Variants in SEMA3A observed in about 807,000 individuals in gnomAD.
SEMA3A encodes semaphorin 3A, also known as semaphorin-3A.
In SEMA3A, 29 loss-of-function variants were observed where a neutral mutation model predicts 97.9. The observed-to-expected ratio is 0.30, with a 90% CI of 0.22 to 0.40. SEMA3A has a LOEUF of 0.40. SEMA3A is among the 10% of genes least tolerant of loss of function. The probability of loss-of-function intolerance (pLI) is 1.00; values close to 1 mark genes in which losing one functional copy is unlikely to be tolerated. For synonymous variants in SEMA3A, 321 were observed against 323.7 expected, an observed-to-expected ratio of 0.99 and a Z score of 0.09; for missense variants, 763 against 951.3, an observed-to-expected ratio of 0.80 and a Z score of 2.60.
At chr7:84,488,072 A>G (rs1806623772) in intron 1 of SEMA3A, among the ~76,000 whole-genome samples, 1 of 152,090 alleles carries the variant, frequency 6.6e-6, no homozygotes, top group African/African-American at 2.4e-5. Flanking sequence ...ATCTCTCTTT[A>G]AAATGAATAT....
At chr7:84,199,144 C>T (rs1271587172), upstream of SEMA3A, among the ~76,000 whole-genome samples, 2 of 152,120 alleles carry the variant, frequency 1.3e-5, no homozygotes, top group Non-Finnish European at 1.5e-5. Context: ...GTTATACATA[C>T]CCTGAATCTC....
At chr7:84,474,597 G>T (rs1408071738) in intron 1 of SEMA3A, among the ~76,000 whole-genome samples, 2 of 152,170 alleles carry the variant, frequency 1.3e-5, no homozygotes. Flanking sequence ...TGTAAGAGCT[G>T]ATGGGTCCAG....
At chr7:84,489,599 A>G (rs1237442576) in intron 1 of SEMA3A, among the ~76,000 whole-genome samples, 1 of 152,194 alleles carries the variant, frequency 6.6e-6, no homozygotes, top group African/African-American at 2.4e-5. Flanking sequence ...GAATAATGGA[A>G]TAATGGGAAG....
intron 1 of SEMA3A, among the ~76,000 whole-genome samples, chr7:84,395,548 T>C (rs1803706964): frequency 6.6e-6 from 1 of 151,962 alleles, no homozygotes; most frequent in Non-Finnish European, 1.5e-5. Flanking sequence ...ATTGAAATAA[T>C]CCCCACATGT....
chr7:84,283,226 A>T (rs982946068), intron 3 of SEMA3A, among the ~76,000 whole-genome samples: 7 of 152,092 alleles, frequency 4.6e-5, no homozygotes, highest in Admixed American at 3.9e-4. Flanking sequence ...ACATCATACC[A>T]TTCTAGAAGC....
At chr7:84,132,570 T>C (rs573005553) in intron 2 of SEMA3A, among the ~76,000 whole-genome samples, 20 of 151,204 alleles carry the variant, frequency 1.3e-4, no homozygotes, top group African/African-American at 4.6e-4. Context: ...TATATGAATA[T>C]CACAAAATGA....
At chr7:84,121,148 T>A (rs1410628787) in intron 3 of SEMA3A, among the ~76,000 whole-genome samples, 1 of 152,106 alleles carries the variant, frequency 6.6e-6, no homozygotes, top group African/African-American at 2.4e-5. Flanking sequence ...AAACCAGCCT[T>A]CTACTTCAGA....
At chr7:84,230,390 G>A (rs574607400) in intron 3 of SEMA3A, among the ~76,000 whole-genome samples, 1 of 151,760 alleles carries the variant, frequency 6.6e-6, no homozygotes. Flanking sequence ...ACTTCAAAAC[G>A]GATATTTCTA....
chr7:84,397,874 G>A (rs568544821), intron 1 of SEMA3A, among the ~76,000 whole-genome samples: 1 of 152,196 alleles, frequency 6.6e-6, no homozygotes, highest in Non-Finnish European at 1.5e-5. Flanking sequence ...CTGGGAGAGT[G>A]ACAAATAGGC....
chr7:84,443,448 A>C (rs1312124239), intron 1 of SEMA3A, among the ~76,000 whole-genome samples: 1 of 152,178 alleles, frequency 6.6e-6, no homozygotes, highest in African/African-American at 2.4e-5. Context: ...TCAATGGTTA[A>C]ATTGACATTT....
Position 84,069,490 on chromosome 7 carries a change from A to G in SEMA3A, c.454-8932T>C, listed in dbSNP as rs1349050465. On this transcript the variant is annotated intron_variant, in intron 4 of 16. Coordinates refer to ENST00000265362, the MANE Select transcript of SEMA3A (RefSeq NM_006080.3). ...TATGTCACAGTAGAAATGCCAGCCTATATTTTTATCAGGCAAAATTATAAG... is the reference window on the plus strand; with the variant it reads ...TATGTCACAGTAGAAATGCCAGCCTGTATTTTTATCAGGCAAAATTATAAG... Among the ~76,000 whole-genome samples, 3 of 152,136 alleles carry G rather than the reference A, an allele frequency of 2.0e-5. No individual in the cohort carries two copies. In the East Asian group the frequency reaches 5.8e-4, roughly 29 times the overall value.
rs927715765 is a variant in SEMA3A, at chr7:84,134,913, A to G, written c.151T>C (p.Leu51=). The G allele has an allele frequency of 1.1e-5, 17 of 1,613,808 alleles. No homozygotes were observed. In the Admixed American group the frequency reaches 1.5e-4, roughly 14 times the overall value. ...ESNNVITFNG[L]ANSSSYHTFL... ...GTATGATAACTGGAGCTGTTGGCCA[A>G]GCCATTGAAAGTGATCACATTGTTG... Residue 51 remains leucine, a synonymous_variant, in exon 2 of 17, where the codon TTG becomes CTG. Transcript: ENST00000265362.
intron 1 of SEMA3A, among the ~76,000 whole-genome samples, chr7:84,385,855 T>C (rs1256542769): frequency 6.6e-6 from 1 of 152,226 alleles, no homozygotes; most frequent in African/African-American, 2.4e-5. Context: ...AAGCTCTGCA[T>C]TGGACTTTTC....
At chr7:84,048,946 T>C (rs1792475273) in intron 5 of SEMA3A, among the ~76,000 whole-genome samples, 1 of 152,080 alleles carries the variant, frequency 6.6e-6, no homozygotes, top group South Asian at 2.1e-4. Context: ...TCTCTTGCAT[T>C]TGGTTGTTTT....
chr7:84,362,406 G>T (rs918142703), intron 2 of SEMA3A, among the ~76,000 whole-genome samples: 7 of 151,838 alleles, frequency 4.6e-5, no homozygotes. Context: ...ATTATTCAGG[G>T]TTTTTATAGT....
At position 84,056,511 on chromosome 7, in the gene SEMA3A, A is replaced by C. The variant is rs527772721; in HGVS notation, c.547+3954T>G. The stretch of plus-strand genomic sequence containing the variant: ...AAATATCAAACAAACTTAAACACCA[A>C]GCCATTATGTTGTTAACACCTTAAG... On this transcript the variant is annotated intron_variant, in intron 5 of 16. Coordinates refer to ENST00000265362, the MANE Select transcript of SEMA3A (RefSeq NM_006080.3). Among the ~76,000 whole-genome samples, 14 of 152,216 alleles carry C rather than the reference A, an allele frequency of 9.2e-5. No individual in the cohort carries two copies. In the South Asian group the frequency reaches 2.9e-3, roughly 32 times the overall value.
chr7:84,062,628 T>C (rs1306786526), intron 4 of SEMA3A, among the ~76,000 whole-genome samples: 1 of 151,998 alleles, frequency 6.6e-6, no homozygotes, highest in Non-Finnish European at 1.5e-5. Flanking sequence ...GGTCAGGGAG[T>C]TCCCTTTCTG....
At chr7:83,979,388 T>G (rs1328721610) in intron 14 of SEMA3A, among the ~76,000 whole-genome samples, 1 of 152,182 alleles carries the variant, frequency 6.6e-6, no homozygotes, top group Non-Finnish European at 1.5e-5. Context: ...TGCCTTGGCC[T>G]CCCAAAGTGC....
intron 1 of SEMA3A, among the ~76,000 whole-genome samples, chr7:84,434,175 T>A (rs955097432): frequency 2.0e-5 from 3 of 152,100 alleles, no homozygotes; most frequent in African/African-American, 7.3e-5. Flanking sequence ...TAATTAGTGA[T>A]GTGGATCATT....
Sources: allele counts gnomAD v4.1 joint callset (sites outside exome capture counted in the v4.1 genomes callset), GRCh38; gene constraint gnomAD v4.1.1; transcripts MANE v1.5; gene names NCBI Gene and HGNC (gene_info 2026-07-23, HGNC 2026-07-21).